The following DVL2 variants were observed in gnomAD, a reference collection of about 807,000 sequenced individuals.
The protein encoded by DVL2 is dishevelled segment polarity protein 2, also known as segment polarity protein dishevelled homolog DVL-2.
In DVL2, 38 loss-of-function variants were observed where a neutral mutation model predicts 69.8. That is an observed-to-expected ratio of 0.54 (90% confidence interval 0.42 to 0.71). The LOEUF (loss-of-function observed/expected upper bound fraction) is 0.71. DVL2 is among the 30% of genes least tolerant of loss of function. The pLI, the probability that DVL2 is intolerant of heterozygous loss-of-function variation, is 0.00. For synonymous variants in DVL2, 428 were observed against 392.4 expected, an observed-to-expected ratio of 1.09 and a Z score of -1.07; for missense variants, 931 against 1,008.1, an observed-to-expected ratio of 0.92 and a Z score of 1.04.
rs781662082 is a variant in DVL2 at position 7,229,612 on chromosome 17, C to T, written c.723G>A (p.Lys241=). 1.3e-6 allele frequency: 2 copies of T among 1,555,210 alleles called. No individual in the cohort carries two copies. The highest frequency in any genetic ancestry group is 1.2e-5 in the South Asian group (1 of 80,928). ...RLLKRHRRRR[K]QRPPRLERTS... is the part of the protein sequence containing the mutation. ...CCCTCTCCAGGCGGGGTGGCCTCTGCTTCCTTCGCCGCCGGTGGCGCTTAA... is the reference window on the plus strand; with the variant it reads ...CCCTCTCCAGGCGGGGTGGCCTCTGTTTCCTTCGCCGCCGGTGGCGCTTAA... Residue 241 remains lysine (K), a synonymous_variant, in exon 6 of 15, where the codon AAG becomes AAA. Transcript: ENST00000005340. The surrounding 1 kb of genome is among the most constrained non-coding windows in gnomAD (Gnocchi z 4.4).
intron 9 of DVL2, chr17:7,228,632 G>A (rs891792119): frequency 7.4e-6 from 2 of 269,270 alleles, no homozygotes; most frequent in Non-Finnish European, 1.4e-5. Flanking sequence ...CCAGGCTGGA[G>A]TGCAGTGGCG....
At position 7,229,780 on chromosome 17, in the gene DVL2, C is replaced by A; in HGVS notation, c.656+28G>T. 6.2e-7 allele frequency: 1 copy of A among 1,600,740 alleles called. No individual in the cohort carries two copies. Among genetic ancestry groups the A allele is most frequent in the Non-Finnish European group, 8.5e-7 (1 of 1,171,114 alleles). ...CTGGAAGACGAGACGGGGCTGGGTG[C>A]GCTGGGGAGAGCTGTGCGGAGCCAC... On this transcript the variant is annotated intron_variant, in intron 5 of 14. Coordinates refer to ENST00000005340, the MANE Select transcript of DVL2 (RefSeq NM_004422.3). This position sits in a 1 kb window ranked among gnomAD's most constrained non-coding sequence, Gnocchi z 4.4.
In DVL2 at chr17:7,227,528, T is replaced by G; in HGVS notation, c.1239A>C (p.Glu413Asp). The stretch of plus-strand genomic sequence containing the variant: ...CCGTATGGACGGAGAGACCCCGGCC[T>G]TCACAGCCTGGCAGAGGAGACAACG... ...TSGSSLPDGCEGRGLSVHTDM... is the reference protein window; with the variant it reads ...TSGSSLPDGCDGRGLSVHTDM... The change falls in exon 12 of 15, where the codon GAA becomes GAC. Residue 413 changes from glutamate to aspartate, a missense_variant. This residue lies in a region of DVL2 where 555 missense variants were observed against 588.8 expected (regional missense o/e 0.94). Transcript: ENST00000005340. 4 of 1,613,882 alleles carry G rather than the reference T, an allele frequency of 2.5e-6. No homozygotes were observed. Among genetic ancestry groups the G allele is most frequent in the Non-Finnish European group, 2.5e-6 (3 of 1,179,792 alleles).
chr17:7,231,861 GAAAAAAAAAAAAA>G (rs35734517), intron 1 of DVL2, among the ~76,000 whole-genome samples: 1 of 50,218 alleles, frequency 2.0e-5, no homozygotes, highest in Non-Finnish European at 4.1e-5. Context: ...CTCCACCTCA[GAAAAAAAAAAAAA>G]AAAAAAAACC....
chr17:7,234,388 C>G lies in DVL2; in HGVS notation c.-126G>C, dbSNP rs2071602540. 2 of 1,125,760 alleles carry G rather than the reference C, an allele frequency of 1.8e-6. No individual in the cohort carries two copies. The highest frequency in any genetic ancestry group is 3.1e-5 in the South Asian group (2 of 65,068). The allele number at this position is 1,125,760 out of a possible 1,614,324, so 69.7% of individuals were successfully genotyped here. A position where few individuals can be genotyped will look rare whatever the true frequency, so the allele number is the denominator to read the frequency against. On this transcript the variant is annotated 5_prime_UTR_variant, in exon 1 of 15. Coordinates refer to ENST00000005340, the MANE Select transcript of DVL2 (RefSeq NM_004422.3). ...GGACTGACCCAGTACGGGAGAGAAG[C>G]AAAGGGGAAAAAGCACGGATCTGCG...
rs771856582 is a variant in DVL2 at position 7,227,276 on chromosome 17, G to A, written c.1364-7C>T. On this transcript the variant is annotated splice_polypyrimidine_tract_variant and splice_region_variant and intron_variant, in intron 12 of 14. Coordinates refer to ENST00000005340, the MANE Select transcript of DVL2 (RefSeq NM_004422.3). Reference sequence around the variant, plus strand: ...CAGTCAACCACATCCGAGCCTGGGAGCACCCACAGTGGAAAAAGGCCTCAG... The same window carrying A: ...CAGTCAACCACATCCGAGCCTGGGAACACCCACAGTGGAAAAAGGCCTCAG... The A allele has an allele frequency of 3.1e-6, 5 of 1,604,944 alleles. No individual in the cohort carries two copies. In the African/African-American group the frequency reaches 5.4e-5, roughly 17 times the overall value.
At position 7,229,271 on chromosome 17, in the gene DVL2, T is replaced by C. The variant is rs760053415; in HGVS notation, c.821A>G (p.Lys274Arg). 6 of 1,613,912 alleles carry C rather than the reference T, an allele frequency of 3.7e-6. No individual in the cohort carries two copies. The highest frequency in any genetic ancestry group is 2.5e-6 in the Non-Finnish European group (3 of 1,179,968). The change falls in exon 8 of 15, where the codon AAG (lysine) becomes AGG (arginine). Residue 274 changes from lysine to arginine, a missense_variant. Physicochemically the swap from Lys to Arg is conservative, Grantham distance 26. Around this residue, in one of 3 missense-constraint regions of DVL2, gnomAD observed 555 missense variants for 588.8 expected, o/e 0.94. Transcript: ENST00000005340. This position sits in a 1 kb window ranked among gnomAD's most constrained non-coding sequence, Gnocchi z 4.4. ...AATGGAGATACCCAGGAAGTTGTAC[T>C]TCTCTGTGGAGAGAGGCCATGTGAA... Reference protein sequence around the residue: ...NIITVTLNMEKYNFLGISIVG... With the variant: ...NIITVTLNMERYNFLGISIVG...
chr17:7,231,029 T>C (rs2071535233), intron 1 of DVL2, among the ~76,000 whole-genome samples: 1 of 152,190 alleles, frequency 6.6e-6, no homozygotes, highest in African/African-American at 2.4e-5. Context: ...ACAGTGCTGC[T>C]CCAAAGACTT....
intron 9 of DVL2, 175 bp from the exon 10 acceptor site, chr17:7,228,219 T>C (rs559143227): frequency 5.2e-5 from 29 of 560,644 alleles, no homozygotes; most frequent in Middle Eastern, 6.8e-4. Context: ...CTCATCAACA[T>C]GGAAAACTCT....
At chr17:7,230,932 T>C (rs2071533834) in intron 1 of DVL2, 135 bp from the exon 2 acceptor site, 3 of 591,354 alleles carry the variant, frequency 5.1e-6, no homozygotes, top group Admixed American at 3.2e-5. Flanking sequence ...TTCTCTTACA[T>C]TGAAAGAACT....
intron 3 of DVL2, 54 bp from the exon 4 acceptor site, chr17:7,230,209 C>T (rs2071521371): frequency 6.2e-7 from 1 of 1,610,432 alleles, no homozygotes; most frequent in Non-Finnish European, 8.5e-7. Context: ...GGCTCCGGAT[C>T]CTAGGCGTCC....
At position 7,234,472 on chromosome 17, in the gene DVL2, G is replaced by GCCGCGCGCCA. The variant is rs2071604714; in HGVS notation, c.-220_-211dup. 4 of 571,526 alleles carry GCCGCGCGCCA rather than the reference G, an allele frequency of 7.0e-6. No individual in the cohort carries two copies. The East Asian group carries it at 1.0e-4, about 15-fold the overall frequency. 35.4% of individuals were successfully genotyped at this position (571,526 alleles called of 1,614,324 possible). A position where few individuals can be genotyped will look rare whatever the true frequency, so the allele number is the denominator to read the frequency against. On this transcript the variant is annotated 5_prime_UTR_variant, in exon 1 of 15. Transcript: ENST00000005340. Reference sequence around the variant, plus strand: ...ACTCAAAGCCCCGGTCTCAGCGGCCGCCGCGCGCCACCGCCACCGACGCCG... The same window carrying GCCGCGCGCCA: ...ACTCAAAGCCCCGGTCTCAGCGGCCGCCGCGCGCCACCGCGCGCCACCGCCACCGACGCCG...
At chr17:7,232,864 C>A (rs1193760507) in intron 1 of DVL2, among the ~76,000 whole-genome samples, 2 of 151,600 alleles carry the variant, frequency 1.3e-5, no homozygotes, top group African/African-American at 4.8e-5. Context: ...CTGAGGCGGG[C>A]GAATCACGAG....
Position 7,228,054 on chromosome 17 carries a change from A to C in DVL2, c.1035-10T>G, listed in dbSNP as rs2071485213. 6.5e-7 allele frequency: 1 copy of C among 1,529,430 alleles called. No individual in the cohort carries two copies. Among genetic ancestry groups the C allele is most frequent in the South Asian group, 1.3e-5 (1 of 76,478 alleles). The allele number at this position is 1,529,430 out of a possible 1,614,324, so 94.7% of individuals were successfully genotyped here. ...AGTCAGCACAATGGGGCTATGGGGA[A>C]GAGAAGTCCAGTCAAGGGCGCAGGG... On this transcript the variant is annotated splice_polypyrimidine_tract_variant and intron_variant, in intron 9 of 14. Coordinates refer to ENST00000005340, the MANE Select transcript of DVL2 (RefSeq NM_004422.3).
At chr17:7,228,163 G>A in intron 9 of DVL2, 119 bp from the exon 10 acceptor site, 1 of 825,188 alleles carries the variant, frequency 1.2e-6, no homozygotes, top group Non-Finnish European at 1.9e-6. Context: ...GCACATCGCG[G>A]CTGGGCTAGA....
At chr17:7,227,880 C>A in intron 10 of DVL2, 97 bp from the exon 11 acceptor site, 1 of 1,561,460 alleles carries the variant, frequency 6.4e-7, no homozygotes, top group Admixed American at 1.9e-5. Flanking sequence ...TCTGCCTGGA[C>A]CCTCCTCCCA....
chr17:7,229,399 T>C lies in DVL2; in HGVS notation c.796A>G (p.Ile266Val). Residue 266 changes from isoleucine (I) to valine (V), a missense_variant, in exon 7 of 15, where the codon ATC becomes GTC. This residue lies in a region of DVL2 where 555 missense variants were observed against 588.8 expected (regional missense o/e 0.94). Transcript: ENST00000005340. This position sits in a 1 kb window ranked among gnomAD's most constrained non-coding sequence, Gnocchi z 4.4. The part of the protein sequence containing the change: ...VTDSTMSLNI[I>V]TVTLNMEKYN... ...ATACCCATGTTTAGCGTGACTGTGA[T>C]GATATTGAGAGACATTGTGGAATCT... 1 of 1,613,716 alleles carries C rather than the reference T, an allele frequency of 6.2e-7. No homozygotes were observed. Among genetic ancestry groups the C allele is most frequent in the African/African-American group, 1.3e-5 (1 of 75,036 alleles).
At position 7,227,730 on chromosome 17, in the gene DVL2, G is replaced by A; in HGVS notation, c.1156C>T (p.Leu386=). 1 of 1,605,688 alleles carries A rather than the reference G, an allele frequency of 6.2e-7. No homozygotes were observed. The highest frequency in any genetic ancestry group is 1.1e-5 in the South Asian group (1 of 89,918). ...GGATAGGCTGGGAAGGTGCCAGTCAGAGCCGCGGAATGGGACACCCAGGCA... is the reference window on the plus strand; with the variant it reads ...GGATAGGCTGGGAAGGTGCCAGTCAAAGCCGCGGAATGGGACACCCAGGCA... The part of the protein sequence containing the change: ...PAAWVSHSAA[L]TGTFPAYPGS... The change falls in exon 11 of 15, where the codon CTG becomes TTG. Residue 386 remains leucine (L), a synonymous_variant. Transcript: ENST00000005340.
chr17:7,233,659 A>T (rs1222827104), intron 1 of DVL2, among the ~76,000 whole-genome samples: 1 of 152,144 alleles, frequency 6.6e-6, no homozygotes, highest in Non-Finnish European at 1.5e-5. Context: ...CGTGTTAGCC[A>T]GGATGGCCTC....
Sources: gnomAD v4.1 joint callset for allele counts (sites outside exome capture counted in the v4.1 genomes callset) on GRCh38, gnomAD v4.1.1 for gene constraint, gnomAD v4.1.1 regional missense constraint, Gnocchi (gnomAD v3.1) non-coding constraint, MANE v1.5 for transcripts, NCBI Gene and HGNC (gene_info 2026-07-23, HGNC 2026-07-21) for gene names.